ADGRL3: variants seen among roughly 807,000 people sequenced by gnomAD.
The protein encoded by ADGRL3 is calcium-independent alpha-latrotoxin receptor 3.
Under a neutral mutation model 153.5 loss-of-function variants are expected in ADGRL3, and 62 were observed. The ratio of observed to expected loss-of-function variants is 0.40; its 90% CI spans 0.33 to 0.50. The LOEUF is 0.50. Ranked by LOEUF, ADGRL3 falls within the 20% of genes least tolerant of loss-of-function variation. The pLI, the probability that ADGRL3 is intolerant of heterozygous loss-of-function variation, is 0.47. For missense variants in ADGRL3, 1,641 were observed against 1,859.4 expected, an observed-to-expected ratio of 0.88 and a Z score of 2.16; for synonymous variants, 710 against 672.5, an observed-to-expected ratio of 1.06 and a Z score of -0.86.
Position 61,934,895 on chromosome 4 carries a change from G to A in ADGRL3, c.2168G>A (p.Arg723Lys). Reference protein sequence around the residue: ...LLQPQALNAWRDLTTSDQLRA... With the variant: ...LLQPQALNAWKDLTTSDQLRA... ...CAGCCACAAGCTTTGAATGCATGGA[G>A]AGACCTGACTACGAGTGATCAGCTG... Residue 723 changes from arginine (R) to lysine (K), a missense_variant, in exon 14 of 27, where the codon AGA (arginine) becomes AAA (lysine). Arg to Lys is a conservative substitution (Grantham distance 26). Transcript: ENST00000683033. 1 of 1,613,834 alleles carries A rather than the reference G, an allele frequency of 6.2e-7. No individual in the cohort carries two copies. The highest frequency in any genetic ancestry group is 1.7e-5 in the Admixed American group (1 of 59,956).
chr4:62,030,524 A>T (rs541223061), intron 22 of ADGRL3, among the ~76,000 whole-genome samples: 1 of 151,590 alleles, frequency 6.6e-6, no homozygotes, highest in Non-Finnish European at 1.5e-5. Flanking sequence ...TATTCAATAC[A>T]TAACTTAACC....
intron 8 of ADGRL3, among the ~76,000 whole-genome samples, chr4:61,748,465 C>T (rs1472429585): frequency 6.6e-6 from 1 of 151,532 alleles, no homozygotes; most frequent in Non-Finnish European, 1.5e-5. Context: ...AACTATACTA[C>T]AAGGCTACAG....
At chr4:62,062,566 T>C (rs1740801803) in intron 25 of ADGRL3, among the ~76,000 whole-genome samples, 1 of 152,074 alleles carries the variant, frequency 6.6e-6, no homozygotes, top group Admixed American at 6.6e-5. Flanking sequence ...TTCTGTCTAT[T>C]ATTTTCATAA....
rs183661441 is a variant in ADGRL3 at position 61,816,279 on chromosome 4, C to T, written c.1480+2390C>T. Among the ~76,000 whole-genome samples, 349 of 152,240 alleles carry T rather than the reference C, an allele frequency of 2.3e-3. 2 individuals carry two copies. The highest frequency in any genetic ancestry group is 4.3e-3 in the Non-Finnish European group (291 of 68,018). ...ATTTATTATAGTTTTGAGAGTTAGC[C>T]AATGTCCACTGAATTAGCTGGGGCT... On this transcript the variant is annotated intron_variant, in intron 9 of 26. Coordinates refer to ENST00000683033, the MANE Select transcript of ADGRL3 (RefSeq NM_001387552.1).
chr4:61,816,379 G>T (rs1367534133), intron 9 of ADGRL3, among the ~76,000 whole-genome samples: 1 of 152,130 alleles, frequency 6.6e-6, no homozygotes, highest in Non-Finnish European at 1.5e-5. Context: ...AATTGCCCTG[G>T]TGTCTCTAGG....
At chr4:61,305,152 G>A (rs905634857) in intron 1 of ADGRL3, among the ~76,000 whole-genome samples, 2 of 151,136 alleles carry the variant, frequency 1.3e-5, no homozygotes, top group African/African-American at 4.9e-5. Context: ...GAATTCTTTG[G>A]AACAGCAGAT....
At chr4:61,769,851 C>T (rs2097060797) in intron 8 of ADGRL3, among the ~76,000 whole-genome samples, 1 of 151,854 alleles carries the variant, frequency 6.6e-6, no homozygotes, top group Non-Finnish European at 1.5e-5. Flanking sequence ...GTAATGTCAT[C>T]AGTTAAGGCA....
chr4:61,855,576 G>A (rs956500197), intron 9 of ADGRL3, among the ~76,000 whole-genome samples: 1 of 151,976 alleles, frequency 6.6e-6, no homozygotes, highest in Admixed American at 6.6e-5. Flanking sequence ...AAAATTAACT[G>A]GGATTATAGA....
intron 1 of ADGRL3, among the ~76,000 whole-genome samples, chr4:61,361,244 T>G (rs1332721463): frequency 6.6e-6 from 1 of 152,162 alleles, no homozygotes; most frequent in Non-Finnish European, 1.5e-5. Flanking sequence ...ATAATAATAA[T>G]TATATCATCT....
At chr4:62,031,651 T>A in intron 23 of ADGRL3, 41 bp downstream of exon 23, 1 of 1,416,316 alleles carries the variant, frequency 7.1e-7, no homozygotes, top group Non-Finnish European at 9.8e-7. Context: ...ATGGCATACA[T>A]TTCATGATAG....
intron 21 of ADGRL3, among the ~76,000 whole-genome samples, chr4:62,017,520 A>T (rs1231639753): frequency 6.6e-6 from 1 of 151,768 alleles, no homozygotes; most frequent in African/African-American, 2.4e-5. Flanking sequence ...AATAAATCTT[A>T]ATTGATTATG....
intron 8 of ADGRL3, among the ~76,000 whole-genome samples, chr4:61,811,629 G>A (rs899185637): frequency 1.3e-5 from 2 of 152,070 alleles, no homozygotes; most frequent in African/African-American, 4.8e-5. Flanking sequence ...GTGAGCTGTG[G>A]TATGTGAATT....
chr4:61,285,360 C>A (rs1472815774), intron 1 of ADGRL3, among the ~76,000 whole-genome samples: 1 of 151,856 alleles, frequency 6.6e-6, no homozygotes, highest in Non-Finnish European at 1.5e-5. Flanking sequence ...TTCAAGTCAA[C>A]TACTTCAGTA....
intron 4 of ADGRL3, among the ~76,000 whole-genome samples, chr4:61,571,938 T>G (rs2098840760): frequency 6.6e-6 from 1 of 152,176 alleles, no homozygotes; most frequent in Non-Finnish European, 1.5e-5. Context: ...GCCTCTTTCT[T>G]GGCATGTAAT....
At chr4:62,013,006 C>T (rs568964421) in intron 21 of ADGRL3, among the ~76,000 whole-genome samples, 118 of 152,226 alleles carry the variant, frequency 7.8e-4, no homozygotes, top group Non-Finnish European at 1.5e-3. Flanking sequence ...AAGGGAGCAG[C>T]AGCTGGGGAT....
intron 2 of ADGRL3, among the ~76,000 whole-genome samples, chr4:61,455,711 G>A (rs1224600868): frequency 6.6e-6 from 1 of 151,898 alleles, no homozygotes; most frequent in East Asian, 1.9e-4. Context: ...GTAATAAATA[G>A]TATTATTATA....
At chr4:61,696,751 C>T (rs2095650737) in intron 6 of ADGRL3, among the ~76,000 whole-genome samples, 1 of 146,618 alleles carries the variant, frequency 6.8e-6, no homozygotes, top group South Asian at 2.2e-4. Context: ...TCTCAGCTCA[C>T]TGCAACCTCT....
At chr4:61,810,595 A>C (rs147945665) in intron 8 of ADGRL3, among the ~76,000 whole-genome samples, 6 of 152,300 alleles carry the variant, frequency 3.9e-5, no homozygotes, top group Non-Finnish European at 7.4e-5. Context: ...TCAATAAAAT[A>C]GAAATTAAAT....
chr4:61,701,518 C>T (rs1320096027), intron 6 of ADGRL3, among the ~76,000 whole-genome samples: 4 of 145,112 alleles, frequency 2.8e-5, no homozygotes, highest in Non-Finnish European at 1.5e-5. Flanking sequence ...CACTGCAACC[C>T]CTGCCTCCCA....
Sources: gnomAD v4.1 joint callset for allele counts (sites outside exome capture counted in the v4.1 genomes callset) on GRCh38, gnomAD v4.1.1 for gene constraint, MANE v1.5 for transcripts, NCBI Gene and HGNC (gene_info 2026-07-23, HGNC 2026-07-21) for gene names.